Variants in NPR2 observed in about 807,000 individuals in gnomAD.
The protein encoded by NPR2 is natriuretic peptide receptor 2.
NPR2 carries 49 observed loss-of-function variants against 120.7 expected under a neutral mutation model. That is an observed-to-expected ratio of 0.41 (90% CI 0.32 to 0.52). The LOEUF is 0.52. Ranked by LOEUF, NPR2 falls within the 20% of genes least tolerant of loss-of-function variation. The probability of loss-of-function intolerance (pLI) is 0.36; values close to 1 mark genes in which losing one functional copy is unlikely to be tolerated. For synonymous variants in NPR2, 484 were observed against 519.8 expected (o/e 0.93, Z 0.94); for missense variants, 931 against 1,362.9 (o/e 0.68, Z 4.99).
At chr9:35,804,321 C>A (rs1469973689) in intron 12 of NPR2, among the ~76,000 whole-genome samples, 1 of 151,820 alleles carries the variant, frequency 6.6e-6, no homozygotes, top group African/African-American at 2.4e-5. Flanking sequence ...GCAGCTTCGA[C>A]CTCCTGGGCT....
In NPR2 at chr9:35,809,516, C is replaced by T. The variant is rs763264983; in HGVS notation, c.*71C>T. ...GGGTGGGCAATGGCCACCATGTCTG[C>T]ACACACCAGAAATGGACATTTTCAT... On this transcript the variant is annotated 3_prime_UTR_variant, in exon 22 of 22. Transcript: ENST00000342694. This position sits in a 1 kb window ranked among gnomAD's most constrained non-coding sequence, Gnocchi z 4.1. 6.2e-7 allele frequency: 1 copy of T among 1,611,432 alleles called. No homozygotes were observed. The highest frequency in any genetic ancestry group is 1.1e-5 in the South Asian group (1 of 91,020).
At position 35,806,006 on chromosome 9, in the gene NPR2, C is replaced by T. The variant is rs1348659833; in HGVS notation, c.2203+21C>T. The T allele has an allele frequency of 4.3e-6, 7 of 1,614,070 alleles. No individual in the cohort carries two copies. Among genetic ancestry groups the T allele is most frequent in the South Asian group, 1.1e-5 (1 of 91,090 alleles). On this transcript the variant is annotated intron_variant, in intron 14 of 21. Coordinates refer to ENST00000342694, the MANE Select transcript of NPR2 (RefSeq NM_003995.4). This position sits in a 1 kb window ranked among gnomAD's most constrained non-coding sequence, Gnocchi z 4.6. Reference sequence around the variant, plus strand: ...CAAAGGTAAGAGTCAATCCACTACCCACAGCCTCTTCTTCCTGGGGGAACT... The same window carrying T: ...CAAAGGTAAGAGTCAATCCACTACCTACAGCCTCTTCTTCCTGGGGGAACT...
chr9:35,808,937 T>A lies in NPR2; in HGVS notation c.2986+84T>A. The A allele has an allele frequency of 9.9e-7, 1 of 1,011,594 alleles. No individual in the cohort carries two copies. Among genetic ancestry groups the A allele is most frequent in the Non-Finnish European group, 1.6e-6 (1 of 632,816 alleles). The allele number at this position is 1,011,594 out of a possible 1,614,324, so 62.7% of individuals were successfully genotyped here. On this transcript the variant is annotated intron_variant, in intron 20 of 21. Coordinates refer to ENST00000342694, the MANE Select transcript of NPR2 (RefSeq NM_003995.4). The surrounding 1 kb of genome is among the most constrained non-coding windows in gnomAD (Gnocchi z 4.0). ...TTTCATAATCCCTCCAATTTCTTAA[T>A]CTGAGAGACCACAGTTCCTTAGTGT... is the stretch of plus-strand genomic sequence containing the variant.
At chr9:35,803,809 GTATT>G (rs928989133) in intron 12 of NPR2, among the ~76,000 whole-genome samples, 1 of 152,184 alleles carries the variant, frequency 6.6e-6, no homozygotes, top group Non-Finnish European at 1.5e-5. Flanking sequence ...TATTTAAAAA[GTATT>G]TTTTTGTGTG....
At position 35,809,076 on chromosome 9, in the gene NPR2, G is replaced by A; in HGVS notation, c.2987-80G>A. 1 of 1,349,604 alleles carries A rather than the reference G, an allele frequency of 7.4e-7. No individual in the cohort carries two copies. The allele number at this position is 1,349,604 out of a possible 1,614,324, so 83.6% of individuals were successfully genotyped here. A position where few individuals can be genotyped will look rare whatever the true frequency, so the allele number is the denominator to read the frequency against. ...CCAGGGATGGTTGGTCGGGCACGGT[G>A]CTATACAGTATCACCAATTATTTGA... On this transcript the variant is annotated intron_variant, in intron 20 of 21. Coordinates refer to ENST00000342694, the MANE Select transcript of NPR2 (RefSeq NM_003995.4). The surrounding 1 kb of genome is among the most constrained non-coding windows in gnomAD (Gnocchi z 4.1).
At position 35,792,999 on chromosome 9, in the gene NPR2, T is replaced by G; in HGVS notation, c.591T>G (p.Ser197Arg). 3 of 1,613,186 alleles carry G rather than the reference T, an allele frequency of 1.9e-6. No homozygotes were observed. The highest frequency in any genetic ancestry group is 1.7e-6 in the Non-Finnish European group (2 of 1,179,812). Residue 197 changes from serine (S) to arginine (R), a missense_variant, in exon 1 of 22, where the codon AGT (serine) becomes AGG (arginine). By Grantham distance (110) the Ser-to-Arg change is moderately radical. This residue lies in a region of NPR2 where 681 missense variants were observed against 974.3 expected (regional missense o/e 0.70). Coordinates refer to ENST00000342694, the MANE Select transcript of NPR2 (RefSeq NM_003995.4). ...VFEALQGSNL[S>R]VQHQVYAREP... is the part of the protein sequence containing the mutation. Reference sequence around the variant, plus strand: ...AGGCCCTGCAGGGCAGCAACCTCAGTGTGCAGCACCAGGTGTATGCCCGAG... The same window carrying G: ...AGGCCCTGCAGGGCAGCAACCTCAGGGTGCAGCACCAGGTGTATGCCCGAG...
intron 2 of NPR2, among the ~76,000 whole-genome samples, chr9:35,798,093 C>T (rs375649927): frequency 4.6e-5 from 7 of 152,134 alleles, no homozygotes; most frequent in African/African-American, 1.7e-4. Context: ...GAGTATAAAG[C>T]GATTGTGAGA....
Position 35,805,744 on chromosome 9 carries a change from G to T in NPR2, c.2047+74G>T. 6.2e-7 allele frequency: 1 copy of T among 1,609,348 alleles called. No homozygotes were observed. The highest frequency in any genetic ancestry group is 2.2e-5 in the East Asian group (1 of 44,866). ...CTAGGGATGGTGGGAGAGGGAGGTG[G>T]AGTGACAGTAATATAGGGATGAGCC... On this transcript the variant is annotated intron_variant, in intron 13 of 21. Coordinates refer to ENST00000342694, the MANE Select transcript of NPR2 (RefSeq NM_003995.4). This position sits in a 1 kb window ranked among gnomAD's most constrained non-coding sequence, Gnocchi z 4.9.
In NPR2 at chr9:35,792,262, A is replaced by G; in HGVS notation, c.-147A>G. 4.0e-6 allele frequency: 1 copy of G among 249,926 alleles called. No homozygotes were observed. The highest frequency in any genetic ancestry group is 5.5e-6 in the Non-Finnish European group (1 of 181,644). 15.5% of individuals were successfully genotyped at this position (249,926 alleles called of 1,614,324 possible). ...TCTCCCCCTCCTCTCCCCGGCCCCC[A>G]GCACCTTCTGCATCCCAGCCTACCT... is the stretch of plus-strand genomic sequence containing the variant. On this transcript the variant is annotated 5_prime_UTR_variant, in exon 1 of 22. Coordinates refer to ENST00000342694, the MANE Select transcript of NPR2 (RefSeq NM_003995.4).
At position 35,801,911 on chromosome 9, in the gene NPR2, T is replaced by A. The variant is rs920561356; in HGVS notation, c.1558-15T>A. 6.2e-7 allele frequency: 1 copy of A among 1,613,772 alleles called. No individual in the cohort carries two copies. On this transcript the variant is annotated splice_polypyrimidine_tract_variant and intron_variant, in intron 8 of 21. Coordinates refer to ENST00000342694, the MANE Select transcript of NPR2 (RefSeq NM_003995.4). Reference sequence around the variant, plus strand: ...TCCTTTCATCCTTCCGCCTCCATGTTGCCCTTGGCCCCAGCGGGGATCCAG... The same window carrying A: ...TCCTTTCATCCTTCCGCCTCCATGTAGCCCTTGGCCCCAGCGGGGATCCAG...
intron 12 of NPR2, among the ~76,000 whole-genome samples, chr9:35,803,519 T>C (rs984713279): frequency 5.9e-5 from 9 of 152,272 alleles, no homozygotes; most frequent in Non-Finnish European, 1.3e-4. Flanking sequence ...GTCTGCCCTT[T>C]TGTTCAGAAA....
At position 35,794,850 on chromosome 9, in the gene NPR2, G is replaced by A. The variant is rs12005446; in HGVS notation, c.873+747G>A. On this transcript the variant is annotated intron_variant, in intron 2 of 21. Coordinates refer to ENST00000342694, the MANE Select transcript of NPR2 (RefSeq NM_003995.4). Reference sequence around the variant, plus strand: ...CTTGACTTTTTGTGTGTGTGTGTGTGTGTGTGGAGATAATTATACAGTAGT... The same window carrying A: ...CTTGACTTTTTGTGTGTGTGTGTGTATGTGTGGAGATAATTATACAGTAGT... Among the ~76,000 whole-genome samples the A allele has an allele frequency of 5.2e-3, 792 of 152,072 alleles. 10 individuals carry two copies. The highest frequency in any genetic ancestry group is 0.018 in the African/African-American group (758 of 41,438).
intron 2 of NPR2, among the ~76,000 whole-genome samples, chr9:35,798,182 C>A (rs1164306761): frequency 2.6e-5 from 4 of 152,198 alleles, no homozygotes; most frequent in Non-Finnish European, 5.9e-5. Context: ...GTGTTAAAAA[C>A]CTATCATCAG....
chr9:35,792,461 G>T lies in NPR2; in HGVS notation c.53G>T (p.Arg18Leu). 2 of 1,611,020 alleles carry T rather than the reference G, an allele frequency of 1.2e-6. No homozygotes were observed. Among genetic ancestry groups the T allele is most frequent in the South Asian group, 1.1e-5 (1 of 91,058 alleles). ...LLVAALAGGVRPPGARNLTLA... is the reference protein window; with the variant it reads ...LLVAALAGGVLPPGARNLTLA... Reference sequence around the variant, plus strand: ...GTGGCAGCCCTGGCAGGTGGGGTGCGTCCTCCCGGGGCGCGGAACCTGACG... The same window carrying T: ...GTGGCAGCCCTGGCAGGTGGGGTGCTTCCTCCCGGGGCGCGGAACCTGACG... Residue 18 changes from arginine (R) to leucine (L), a missense_variant, in exon 1 of 22, where the codon CGT becomes CTT. Physicochemically the swap from Arg to Leu is moderately radical, Grantham distance 102 (BLOSUM62 -2). Transcript: ENST00000342694.
Position 35,806,840 on chromosome 9 carries a change from C to T in NPR2, c.2520-183C>T, listed in dbSNP as rs940793800. On this transcript the variant is annotated intron_variant, in intron 16 of 21. Transcript: ENST00000342694. This position sits in a 1 kb window ranked among gnomAD's most constrained non-coding sequence, Gnocchi z 4.6. ...CACAGGGATTCCCCTCAAACCCCCC[C>T]GCCACTTGTGTGCCTTACCTTGCAT... Among the ~76,000 whole-genome samples the T allele has an allele frequency of 5.3e-5, 8 of 152,320 alleles. No homozygotes were observed. The highest frequency in any genetic ancestry group is 2.1e-4 in the South Asian group (1 of 4,822).
At position 35,806,594 on chromosome 9, in the gene NPR2, C is replaced by T; in HGVS notation, c.2519+56C>T. 1 of 1,604,368 alleles carries T rather than the reference C, an allele frequency of 6.2e-7. No homozygotes were observed. The highest frequency in any genetic ancestry group is 1.7e-5 in the Admixed American group (1 of 60,024). On this transcript the variant is annotated intron_variant, in intron 16 of 21. Coordinates refer to ENST00000342694, the MANE Select transcript of NPR2 (RefSeq NM_003995.4). The surrounding 1 kb of genome is among the most constrained non-coding windows in gnomAD (Gnocchi z 4.6). ...TTTTGGGATTCTGCTCTGTTGGGCT[C>T]TGCCTCATCAGGCACCTGAGAACTC...
At chr9:35,797,697 C>G (rs1257176934) in intron 2 of NPR2, among the ~76,000 whole-genome samples, 1 of 152,118 alleles carries the variant, frequency 6.6e-6, no homozygotes, top group Non-Finnish European at 1.5e-5. Flanking sequence ...CTCTCAAACC[C>G]CTGAGCAAGC....
chr9:35,799,808 C>T (rs1828076538), intron 3 of NPR2, 77 bp downstream of exon 3: 3 of 1,445,630 alleles, frequency 2.1e-6, no homozygotes, highest in African/African-American at 2.8e-5. Flanking sequence ...AGCATCAAGT[C>T]TTGGCTGTGG....
intron 12 of NPR2, among the ~76,000 whole-genome samples, chr9:35,804,041 A>G (rs1439963060): frequency 6.6e-6 from 1 of 152,228 alleles, no homozygotes; most frequent in Non-Finnish European, 1.5e-5. Flanking sequence ...GAGATTCCCA[A>G]AAGTTTTGTT....
Sources: allele counts gnomAD v4.1 joint callset (sites outside exome capture counted in the v4.1 genomes callset), GRCh38; gene constraint gnomAD v4.1.1; regional missense constraint gnomAD v4.1.1; non-coding constraint Gnocchi (gnomAD v3.1); transcripts MANE v1.5; gene names NCBI Gene and HGNC (gene_info 2026-07-23, HGNC 2026-07-21).